EYS: variants seen among roughly 807,000 people sequenced by gnomAD.
EYS encodes protein eyes shut homolog.
EYS carries 250 observed loss-of-function variants against 282.1 expected under a neutral mutation model. The observed-to-expected ratio is 0.89, with a 90% CI of 0.80 to 0.98. The LOEUF (loss-of-function observed/expected upper bound fraction) is 0.98, where lower values mean the gene tolerates loss of function less well. Among genes scored for constraint, EYS ranks in the 50% least tolerant of loss-of-function variants. EYS has a pLI of 0.00. For synonymous variants in EYS, 1,355 were observed against 1,282.9 expected, an observed-to-expected ratio of 1.06 and a Z score of -1.20; for missense variants, 4,016 against 3,709.0, an observed-to-expected ratio of 1.08 and a Z score of -2.15.
chr6:63,840,615 A>C (rs1338448713), intron 36 of EYS, among the ~76,000 whole-genome samples: 2 of 152,046 alleles, frequency 1.3e-5, no homozygotes, highest in East Asian at 3.8e-4. Flanking sequence ...CTTTGCCTAG[A>C]CTAATGTCTT....
chr6:65,182,905 C>T (rs1765426786), intron 12 of EYS, among the ~76,000 whole-genome samples: 1 of 151,934 alleles, frequency 6.6e-6, no homozygotes, highest in African/African-American at 2.4e-5. Flanking sequence ...CCTCCCACCC[C>T]AGCCTCTTAA....
intron 35 of EYS, among the ~76,000 whole-genome samples, chr6:63,896,062 G>C (rs1328034809): frequency 6.6e-6 from 1 of 152,016 alleles, no homozygotes; most frequent in East Asian, 1.9e-4. Flanking sequence ...GTATCTGTCT[G>C]TCCAACTATG....
At chr6:63,837,330 T>A (rs1168931746) in intron 36 of EYS, among the ~76,000 whole-genome samples, 1 of 148,040 alleles carries the variant, frequency 6.8e-6, no homozygotes, top group African/African-American at 2.6e-5. Flanking sequence ...TGTTACGGAT[T>A]TTTTTTTCTT....
chr6:64,227,826 G>C (rs917936567), intron 31 of EYS, among the ~76,000 whole-genome samples: 3 of 151,928 alleles, frequency 2.0e-5, no homozygotes, highest in Non-Finnish European at 4.4e-5. Flanking sequence ...TGATTTATCT[G>C]TAAATCGTAA....
At chr6:65,534,389 C>T (rs1188888854) in intron 2 of EYS, among the ~76,000 whole-genome samples, 1 of 152,056 alleles carries the variant, frequency 6.6e-6, no homozygotes, top group Non-Finnish European at 1.5e-5. Context: ...TGCAGCTTTC[C>T]TTAAATTGGC....
chr6:65,538,682 C>T (rs758266243), intron 2 of EYS, among the ~76,000 whole-genome samples: 3 of 152,134 alleles, frequency 2.0e-5, no homozygotes, highest in Non-Finnish European at 2.9e-5. Context: ...TCCATTCAAA[C>T]ACTAAAATAT....
chr6:65,038,619 T>A (rs1772839832), intron 13 of EYS, among the ~76,000 whole-genome samples: 1 of 151,528 alleles, frequency 6.6e-6, no homozygotes, highest in Admixed American at 6.6e-5. Flanking sequence ...CATAGGTGTA[T>A]GTTTAATTTT....
At chr6:64,882,655 C>A (rs1282511302) in intron 19 of EYS, among the ~76,000 whole-genome samples, 1 of 151,544 alleles carries the variant, frequency 6.6e-6, no homozygotes, top group Non-Finnish European at 1.5e-5. Context: ...ACACTAAACC[C>A]TTTGTGTTTA....
intron 31 of EYS, among the ~76,000 whole-genome samples, chr6:64,194,553 ATATATTT>A (rs1051392559): frequency 5.3e-5 from 8 of 152,134 alleles, no homozygotes; most frequent in Non-Finnish European, 4.4e-5. Context: ...AATTGCATCA[ATATATTT>A]TATTACAATT....
chr6:65,099,440 C>T (rs1175382492), intron 12 of EYS, among the ~76,000 whole-genome samples: 1 of 150,566 alleles, frequency 6.6e-6, no homozygotes, highest in African/African-American at 2.4e-5. Flanking sequence ...ATTTGTATTG[C>T]TGTTTCAAAT....
intron 2 of EYS, among the ~76,000 whole-genome samples, chr6:65,504,386 C>A (rs559366650): frequency 1.1e-4 from 17 of 151,624 alleles, no homozygotes; most frequent in Admixed American, 4.0e-4. Flanking sequence ...TATTAGTCTG[C>A]ATATATTTTC....
intron 22 of EYS, among the ~76,000 whole-genome samples, chr6:64,729,255 G>T (rs1284735503): frequency 6.6e-6 from 1 of 152,080 alleles, no homozygotes; most frequent in East Asian, 1.9e-4. Flanking sequence ...TCACTACTAA[G>T]GCTGTATTGT....
chr6:65,351,898 T>TA, intron 9 of EYS, among the ~76,000 whole-genome samples: 1 of 151,926 alleles, frequency 6.6e-6, no homozygotes, highest in Non-Finnish European at 1.5e-5. Context: ...GGTCAGGGTT[T>TA]AAAAACAACT....
intron 31 of EYS, among the ~76,000 whole-genome samples, chr6:64,186,845 T>A (rs79769248): frequency 5.5e-4 from 84 of 152,306 alleles, no homozygotes; most frequent in African/African-American, 1.9e-3. Flanking sequence ...TAAAACTGAT[T>A]AGTAAAAGTG....
At chr6:65,206,941 A>T (rs1766051004) in intron 12 of EYS, among the ~76,000 whole-genome samples, 1 of 151,932 alleles carries the variant, frequency 6.6e-6, no homozygotes, top group Non-Finnish European at 1.5e-5. Context: ...AAAAGTTGAA[A>T]GCATTCCCCC....
At chr6:65,105,941 GA>G (rs1413076735) in intron 12 of EYS, among the ~76,000 whole-genome samples, 1 of 151,642 alleles carries the variant, frequency 6.6e-6, no homozygotes, top group Non-Finnish European at 1.5e-5. Context: ...CAAAAAAGAT[GA>G]AAAAGTTGAT....
rs777031229 is a variant in EYS at position 63,778,221 on chromosome 6, G to T, written c.7724-41C>A. 18 of 1,529,312 alleles carry T rather than the reference G, an allele frequency of 1.2e-5. 1 individual carries two copies. The South Asian group carries it at 2.1e-4, about 17-fold the overall frequency. 94.7% of individuals were successfully genotyped at this position (1,529,312 alleles called of 1,614,324 possible). A position where few individuals can be genotyped will look rare whatever the true frequency, so the allele number is the denominator to read the frequency against. On this transcript the variant is annotated intron_variant, in intron 39 of 42. Coordinates refer to ENST00000503581, the MANE Select transcript of EYS (RefSeq NM_001142800.2). ...AAACACTTCGTGTTAACAAACAGAA[G>T]AAATAGAAAAAACAAGAAGAAGGTT...
At chr6:65,572,380 C>T (rs138097529) in intron 2 of EYS, among the ~76,000 whole-genome samples, 7 of 151,706 alleles carry the variant, frequency 4.6e-5, no homozygotes, top group Non-Finnish European at 1.0e-4. Flanking sequence ...GGCACAGAAG[C>T]CAAAAATAAT....
chr6:65,399,811 A>G (rs1766424052), intron 7 of EYS, among the ~76,000 whole-genome samples: 1 of 152,032 alleles, frequency 6.6e-6, no homozygotes, highest in African/African-American at 2.4e-5. Context: ...TTCTTTCTTC[A>G]TAAACAATTT....
Sources: allele counts gnomAD v4.1 joint callset (sites outside exome capture counted in the v4.1 genomes callset), GRCh38; gene constraint gnomAD v4.1.1; transcripts MANE v1.5; gene names NCBI Gene and HGNC (gene_info 2026-07-23, HGNC 2026-07-21).